GAL3ST2: variants seen among roughly 807,000 people sequenced by gnomAD.
The protein encoded by GAL3ST2 is galactose-3-O-sulfotransferase 2, also known as beta-galactose-3-O-sulfotransferase 2.
In GAL3ST2, 16 loss-of-function variants were observed where a neutral mutation model predicts 12.9. That is an observed-to-expected ratio of 1.24 (90% CI 0.84 to 1.88). The LOEUF (loss-of-function observed/expected upper bound fraction) is 1.88. Ranked by LOEUF, GAL3ST2 falls within the 40% of genes most tolerant of loss-of-function variation. The pLI, the probability that GAL3ST2 is intolerant of heterozygous loss-of-function variation, is 0.00. For missense variants in GAL3ST2, 639 were observed against 571.8 expected (o/e 1.12, Z -1.20); for synonymous variants, 302 against 273.9 (o/e 1.10, Z -1.01).
At chr2:241,796,709 G>C (rs536740246) in intron 1 of GAL3ST2, among the ~76,000 whole-genome samples, 1 of 152,224 alleles carries the variant, frequency 6.6e-6, no homozygotes. Context: ...CAGGGCCATC[G>C]GCTGGGGTCG....
At chr2:241,794,057 C>A (rs1237229159) in intron 1 of GAL3ST2, among the ~76,000 whole-genome samples, 4 of 152,150 alleles carry the variant, frequency 2.6e-5, no homozygotes, top group African/African-American at 4.8e-5. Flanking sequence ...GGTGATCCTC[C>A]TGCATCAGCC....
intron 1 of GAL3ST2, among the ~76,000 whole-genome samples, chr2:241,796,151 G>C (rs549929840): frequency 5.4e-4 from 82 of 152,340 alleles, no homozygotes; most frequent in African/African-American, 2.0e-3. Flanking sequence ...CATACGAAGA[G>C]GTTCTGTTGA....
chr2:241,785,377 C>A lies in GAL3ST2; in HGVS notation c.29+8393C>A, dbSNP rs78936376. Reference sequence around the variant, plus strand: ...GACCAGCCTGGCCAACATGATGAAACCTTGTCTCTACTAAAACTACAAAAA... The same window carrying A: ...GACCAGCCTGGCCAACATGATGAAAACTTGTCTCTACTAAAACTACAAAAA... On this transcript the variant is annotated intron_variant, in intron 1 of 3. Coordinates refer to ENST00000192314, the MANE Select transcript of GAL3ST2 (RefSeq NM_022134.3). Among the ~76,000 whole-genome samples the A allele has an allele frequency of 4.4e-3, 671 of 152,018 alleles. 25 individuals are homozygous for A. The East Asian group carries it at 0.11, about 25-fold the overall frequency.
At position 241,804,097 on chromosome 2, in the gene GAL3ST2, C is replaced by T. The variant is rs751307802; in HGVS notation, c.1128C>T (p.Tyr376=). The change falls in exon 4 of 4, where the codon TAC becomes TAT. Residue 376 remains tyrosine (Y), a synonymous_variant. Transcript: ENST00000192314. ...CQRLVMPELQ[Y]MARLYALQFP... ...GGCTTGTGATGCCTGAGCTCCAGTACATGGCCCGCCTGTACGCCCTGCAGT... is the reference window on the plus strand; with the variant it reads ...GGCTTGTGATGCCTGAGCTCCAGTATATGGCCCGCCTGTACGCCCTGCAGT... The T allele has an allele frequency of 3.3e-6, 5 of 1,526,582 alleles. No homozygotes were observed. In the Admixed American group the frequency reaches 6.2e-5, roughly 19 times the overall value. 94.6% of individuals were successfully genotyped at this position (1,526,582 alleles called of 1,614,324 possible). A position where few individuals can be genotyped will look rare whatever the true frequency, so the allele number is the denominator to read the frequency against.
intron 1 of GAL3ST2, among the ~76,000 whole-genome samples, chr2:241,788,557 T>C (rs1401400802): frequency 6.6e-6 from 1 of 152,066 alleles, no homozygotes; most frequent in Non-Finnish European, 1.5e-5. Context: ...TTTTCATAGG[T>C]AAATGAGAGA....
intron 1 of GAL3ST2, among the ~76,000 whole-genome samples, chr2:241,778,273 G>A (rs966374909): frequency 1.3e-5 from 2 of 152,236 alleles, no homozygotes; most frequent in Non-Finnish European, 2.9e-5. Flanking sequence ...CAGCCCTGGG[G>A]ACAAAGGGGA....
chr2:241,786,506 C>T (rs888829785), intron 1 of GAL3ST2, among the ~76,000 whole-genome samples: 2 of 152,170 alleles, frequency 1.3e-5, no homozygotes, highest in African/African-American at 4.8e-5. Flanking sequence ...AAGAAAACCT[C>T]ATCTTCCCTG....
chr2:241,777,760 A>G (rs1559411100), intron 1 of GAL3ST2, among the ~76,000 whole-genome samples: 3 of 152,116 alleles, frequency 2.0e-5, no homozygotes, highest in African/African-American at 7.2e-5. Flanking sequence ...GGCCTGGACC[A>G]TCCTAGATGC....
chr2:241,786,760 G>T (rs1182364063), intron 1 of GAL3ST2, among the ~76,000 whole-genome samples: 1 of 152,168 alleles, frequency 6.6e-6, no homozygotes, highest in Admixed American at 6.5e-5. Context: ...TCAGTACCAA[G>T]CTCCGATAGG....
chr2:241,797,930 G>C (rs910019341), intron 1 of GAL3ST2, among the ~76,000 whole-genome samples: 2 of 152,168 alleles, frequency 1.3e-5, no homozygotes, highest in African/African-American at 2.4e-5. Flanking sequence ...TGAGCTTGCC[G>C]AGTGCAGGTG....
intron 1 of GAL3ST2, among the ~76,000 whole-genome samples, chr2:241,797,112 G>A (rs1400929057): frequency 7.2e-5 from 11 of 152,170 alleles, no homozygotes; most frequent in Non-Finnish European, 1.5e-4. Context: ...TCCCACTTCC[G>A]CCTCCCAAAA....
chr2:241,798,286 C>A (rs905265985), intron 1 of GAL3ST2, among the ~76,000 whole-genome samples: 1 of 152,226 alleles, frequency 6.6e-6, no homozygotes, highest in Admixed American at 6.5e-5. Context: ...CTCAGTCACC[C>A]CGGGCTGTCA....
intron 1 of GAL3ST2, among the ~76,000 whole-genome samples, chr2:241,777,525 G>A (rs774885871): frequency 4.6e-5 from 7 of 152,216 alleles, no homozygotes; most frequent in Non-Finnish European, 8.8e-5. Context: ...GGTGGTGGGT[G>A]TGGCTAAGGA....
chr2:241,787,467 C>CGGGAGT, intron 1 of GAL3ST2, among the ~76,000 whole-genome samples: 1 of 151,992 alleles, frequency 6.6e-6, no homozygotes, highest in Non-Finnish European at 1.5e-5. Context: ...CCGGGAGCAC[C>CGGGAGT]CCCTCCAGAG....
chr2:241,797,171 T>A (rs1699782523), intron 1 of GAL3ST2, among the ~76,000 whole-genome samples: 1 of 152,192 alleles, frequency 6.6e-6, no homozygotes. Flanking sequence ...AAACATTACG[T>A]GTTTGCCAGA....
rs1699833387 is a variant in GAL3ST2, at chr2:241,800,752, C to T, written c.120-1029C>T. 6.6e-6 allele frequency among the ~76,000 whole-genome samples: 1 copy of T among 152,156 alleles called. No homozygotes were observed. The highest frequency in any genetic ancestry group is 6.5e-5 in the Admixed American group (1 of 15,268). ...AGCGTCTGGCAGCGGGTGAGCTGCA[C>T]CTGCTTTAACGTTGTTCGTCTCAAG... On this transcript the variant is annotated intron_variant, in intron 2 of 3. Coordinates refer to ENST00000192314, the MANE Select transcript of GAL3ST2 (RefSeq NM_022134.3). The surrounding 1 kb of genome is among the most constrained non-coding windows in gnomAD (Gnocchi z 5.2).
Position 241,804,239 on chromosome 2 carries a change from A to G in GAL3ST2, c.*73A>G. The G allele has an allele frequency of 1.6e-6, 2 of 1,277,222 alleles. No homozygotes were observed. The highest frequency in any genetic ancestry group is 2.1e-6 in the Non-Finnish European group (2 of 975,344). The allele number at this position is 1,277,222 out of a possible 1,614,324, so 79.1% of individuals were successfully genotyped here. A position where few individuals can be genotyped will look rare whatever the true frequency, so the allele number is the denominator to read the frequency against. ...TCCGCCGTCACCGGGGAGGCCGGGGATCCTTGCAGGGCTTCTGGGGCGTTG... is the reference window on the plus strand; with the variant it reads ...TCCGCCGTCACCGGGGAGGCCGGGGGTCCTTGCAGGGCTTCTGGGGCGTTG... On this transcript the variant is annotated 3_prime_UTR_variant, in exon 4 of 4. Transcript: ENST00000192314.
chr2:241,804,002 G>T lies in GAL3ST2; in HGVS notation c.1033G>T (p.Gly345Cys), dbSNP rs553579270. 1.3e-6 allele frequency: 2 copies of T among 1,564,972 alleles called. No individual in the cohort carries two copies. Among genetic ancestry groups the T allele is most frequent in the African/African-American group, 2.8e-5 (2 of 72,158 alleles). Reference sequence around the variant, plus strand: ...CCCGCGCCTGCGCCCCTACCAGTCCGGCAAGGCCGACATCCTGGGTTACAA... The same window carrying T: ...CCCGCGCCTGCGCCCCTACCAGTCCTGCAAGGCCGACATCCTGGGTTACAA... ...RDPRLRPYQS[G>C]KADILGYNLR... The change falls in exon 4 of 4, where the codon GGC (glycine) becomes TGC (cysteine). Residue 345 changes from glycine to cysteine, a missense_variant. Physicochemically the swap from Gly to Cys is radical, Grantham distance 159. Coordinates refer to ENST00000192314, the MANE Select transcript of GAL3ST2 (RefSeq NM_022134.3).
Position 241,795,821 on chromosome 2 carries a change from C to T in GAL3ST2, c.30-3244C>T, listed in dbSNP as rs79204348. Among the ~76,000 whole-genome samples, 256 of 152,350 alleles carry T rather than the reference C, an allele frequency of 1.7e-3. 7 individuals carry two copies. The East Asian group carries it at 0.035, about 21-fold the overall frequency. ...CGCATGGCCCTCTCTGCTCTGCGGC[C>T]CCTCTCGCTCTCCTCTCTGTGCCTG... On this transcript the variant is annotated intron_variant, in intron 1 of 3. Coordinates refer to ENST00000192314, the MANE Select transcript of GAL3ST2 (RefSeq NM_022134.3). The surrounding 1 kb of genome is among the most constrained non-coding windows in gnomAD (Gnocchi z 4.5).
Sources: allele counts gnomAD v4.1 joint callset (sites outside exome capture counted in the v4.1 genomes callset), GRCh38; gene constraint gnomAD v4.1.1; non-coding constraint Gnocchi (gnomAD v3.1); transcripts MANE v1.5; gene names NCBI Gene and HGNC (gene_info 2026-07-23, HGNC 2026-07-21).